The following BNC2 variants were observed in gnomAD, a reference collection of about 807,000 sequenced individuals.
The protein encoded by BNC2 is zinc finger protein basonuclin-2.
A neutral mutation model predicts 76.3 loss-of-function variants in BNC2; 20 were observed. The ratio of observed to expected loss-of-function variants is 0.26; its 90% confidence interval spans 0.18 to 0.38. BNC2 has a LOEUF of 0.38. Among genes scored for constraint, BNC2 ranks in the 10% least tolerant of loss-of-function variants. The pLI is 1.00. For synonymous variants in BNC2, 582 were observed against 514.8 expected, an observed-to-expected ratio of 1.13 and a Z score of -1.77; for missense variants, 1,382 against 1,399.8, an observed-to-expected ratio of 0.99 and a Z score of 0.20.
At chr9:16,864,754 C>T (rs1819499024) in intron 1 of BNC2, among the ~76,000 whole-genome samples, 2 of 152,124 alleles carry the variant, frequency 1.3e-5, no homozygotes, top group African/African-American at 4.8e-5. Flanking sequence ...TTTACGGTTG[C>T]TGGGATGTAA....
intron 5 of BNC2, among the ~76,000 whole-genome samples, chr9:16,484,127 T>C (rs935877115): frequency 6.6e-6 from 1 of 152,222 alleles, no homozygotes; most frequent in African/African-American, 2.4e-5. Context: ...CAGGCACCTC[T>C]ATCTGACTAC....
chr9:16,523,913 T>C (rs564656274), intron 5 of BNC2, among the ~76,000 whole-genome samples: 23 of 152,282 alleles, frequency 1.5e-4, no homozygotes, highest in African/African-American at 5.1e-4. Flanking sequence ...TGAGCTGAGA[T>C]TGTGCTACTG....
Position 16,471,601 on chromosome 9 carries a change from T to G in BNC2, c.670-34077A>C, listed in dbSNP as rs368630440. On this transcript the variant is annotated intron_variant, in intron 5 of 6. Coordinates refer to ENST00000380672, the MANE Select transcript of BNC2 (RefSeq NM_017637.6). ...GCCACTGCACCCAGCTGCTTGCTTTTGATTTTACAGGCCTGTAGGCGGAAG... is the reference window on the plus strand; with the variant it reads ...GCCACTGCACCCAGCTGCTTGCTTTGGATTTTACAGGCCTGTAGGCGGAAG... Among the ~76,000 whole-genome samples the G allele has an allele frequency of 1.4e-3, 210 of 152,320 alleles. 1 individual carries two copies. The highest frequency in any genetic ancestry group is 4.9e-3 in the African/African-American group (203 of 41,566).
intron 3 of BNC2, among the ~76,000 whole-genome samples, chr9:16,725,217 T>TCACTCTCACA (rs929934068): frequency 5.5e-4 from 81 of 148,262 alleles, no homozygotes; most frequent in African/African-American, 2.0e-3. Context: ...TCTCTCTCTC[T>TCACTCTCACA]CACACACACA....
At chr9:16,695,035 C>G (rs958005794) in intron 3 of BNC2, among the ~76,000 whole-genome samples, 9 of 152,122 alleles carry the variant, frequency 5.9e-5, no homozygotes, top group African/African-American at 2.2e-4. Context: ...AAGATAAAGT[C>G]AAAGGGAGTT....
chr9:16,720,826 T>C (rs952371202), intron 3 of BNC2, among the ~76,000 whole-genome samples: 2 of 152,168 alleles, frequency 1.3e-5, no homozygotes, highest in African/African-American at 2.4e-5. Context: ...CATACAGCGA[T>C]TCCTCTCTTC....
chr9:16,455,852 C>A (rs1053189256), intron 5 of BNC2, among the ~76,000 whole-genome samples: 1 of 151,726 alleles, frequency 6.6e-6, no homozygotes, highest in South Asian at 2.1e-4. Flanking sequence ...ATATAAAAGG[C>A]TTTCACTTAT....
chr9:16,518,608 GT>G (rs71325974), intron 5 of BNC2, among the ~76,000 whole-genome samples: 1 of 141,956 alleles, frequency 7.0e-6, no homozygotes, highest in African/African-American at 2.6e-5. Flanking sequence ...TTGTTTGTTT[GT>G]TTTTTGTTTT....
intron 3 of BNC2, among the ~76,000 whole-genome samples, chr9:16,697,669 G>C (rs1823379527): frequency 6.6e-6 from 1 of 151,282 alleles, no homozygotes; most frequent in African/African-American, 2.4e-5. Context: ...GTGGCAGTGA[G>C]CCGAGATTGC....
intron 1 of BNC2, among the ~76,000 whole-genome samples, chr9:16,838,938 T>C (rs1250126479): frequency 6.6e-6 from 1 of 152,250 alleles, no homozygotes; most frequent in Non-Finnish European, 1.5e-5. Context: ...TATTGGTCTA[T>C]GTGTGCCACA....
At position 16,437,290 on chromosome 9, in the gene BNC2, C is replaced by G. The variant is rs1821038637; in HGVS notation, c.904G>C (p.Glu302Gln). 1.2e-6 allele frequency: 2 copies of G among 1,614,106 alleles called. No homozygotes were observed. Among genetic ancestry groups the G allele is most frequent in the Middle Eastern group, 1.6e-4 (1 of 6,062 alleles). ...TRSPSLLAHL[E>Q]NSNPSSIHHF... ...TGAATGCTGGAAGGATTGCTGTTCTCTAAGTGAGCAAGGAGGCTGGGACTC... is the reference window on the plus strand; with the variant it reads ...TGAATGCTGGAAGGATTGCTGTTCTGTAAGTGAGCAAGGAGGCTGGGACTC... The change falls in exon 6 of 7, where the codon GAG becomes CAG. Residue 302 changes from glutamate to glutamine, a missense_variant. Glu to Gln is a conservative substitution (Grantham distance 29, BLOSUM62 2). Around this residue, in one of 3 missense-constraint regions of BNC2, gnomAD observed 557 missense variants for 540.9 expected, o/e 1.03. Coordinates refer to ENST00000380672, the MANE Select transcript of BNC2 (RefSeq NM_017637.6).
chr9:16,469,247 C>T (rs1257701699), intron 5 of BNC2, among the ~76,000 whole-genome samples: 1 of 152,146 alleles, frequency 6.6e-6, no homozygotes, highest in African/African-American at 2.4e-5. Context: ...GCTCTGTCCC[C>T]ACCAAAATCT....
intron 5 of BNC2, among the ~76,000 whole-genome samples, chr9:16,458,653 G>A (rs1243650546): frequency 6.6e-6 from 1 of 152,212 alleles, no homozygotes; most frequent in African/African-American, 2.4e-5. Context: ...CAGCCCTATG[G>A]CAAGAACACA....
At chr9:16,665,113 A>G (rs1000428488) in intron 3 of BNC2, 34 of 455,432 alleles carry the variant, frequency 7.5e-5, no homozygotes, top group Admixed American at 6.1e-4. Context: ...TCACGCCTGT[A>G]ATCCCAGCAC....
At chr9:16,725,167 G>A (rs1824272677) in intron 3 of BNC2, among the ~76,000 whole-genome samples, 1 of 151,576 alleles carries the variant, frequency 6.6e-6, no homozygotes, top group Admixed American at 6.6e-5. Flanking sequence ...TCGTTTAAAT[G>A]GCTGGCTTCA....
intron 4 of BNC2, among the ~76,000 whole-genome samples, chr9:16,560,916 A>T (rs1818992951): frequency 6.6e-6 from 1 of 152,296 alleles, no homozygotes; most frequent in East Asian, 1.9e-4. Context: ...AACGCAGGAA[A>T]GTTCAGAAGT....
chr9:16,575,040 T>C (rs1819442832), intron 4 of BNC2, among the ~76,000 whole-genome samples: 1 of 152,218 alleles, frequency 6.6e-6, no homozygotes. Context: ...CAACTAACAC[T>C]TATTAAGTGT....
intron 1 of BNC2, among the ~76,000 whole-genome samples, chr9:16,807,026 C>T (rs567354691): frequency 2.6e-5 from 4 of 152,080 alleles, no homozygotes; most frequent in Admixed American, 6.5e-5. Context: ...TCAGGTTAGA[C>T]CCAATGTAAT....
chr9:16,494,848 G>A (rs565488631), intron 5 of BNC2, among the ~76,000 whole-genome samples: 1 of 152,224 alleles, frequency 6.6e-6, no homozygotes, highest in Admixed American at 6.5e-5. Context: ...AGGGCTGGGG[G>A]AGGGATAGCA....
Sources: gnomAD v4.1 joint callset for allele counts (sites outside exome capture counted in the v4.1 genomes callset) on GRCh38, gnomAD v4.1.1 for gene constraint, gnomAD v4.1.1 regional missense constraint, MANE v1.5 for transcripts, NCBI Gene and HGNC (gene_info 2026-07-23, HGNC 2026-07-21) for gene names.